The following EPG5 variants were observed in gnomAD, a reference collection of about 807,000 sequenced individuals.
EPG5 encodes the protein ectopic P granules protein 5 homolog.
A neutral mutation model predicts 302.7 loss-of-function variants in EPG5; 159 were observed. That is an observed-to-expected ratio of 0.53 (90% CI 0.46 to 0.60). The LOEUF is 0.60. EPG5 is among the 20% of genes least tolerant of loss of function. The pLI is 0.00. For missense variants in EPG5, 2,896 were observed against 3,092.4 expected, an observed-to-expected ratio of 0.94 and a Z score of 1.51; for synonymous variants, 1,158 against 1,136.8, an observed-to-expected ratio of 1.02 and a Z score of -0.37.
intron 43 of EPG5, among the ~76,000 whole-genome samples, chr18:45,854,696 C>CA (rs1178197921): frequency 1.3e-5 from 2 of 151,954 alleles, no homozygotes; most frequent in Non-Finnish European, 2.9e-5. Flanking sequence ...CCAGTCTCTA[C>CA]AAAAAAAATT....
At chr18:45,842,013 T>C in the EPG5 span, 2 of 1,145,024 alleles carry the variant, frequency 1.7e-6, no homozygotes, top group African/African-American at 1.5e-5. Flanking sequence ...CCCCAGAATG[T>C]CTCCTCTTCT....
At chr18:45,945,187 T>G in intron 7 of EPG5, among the ~76,000 whole-genome samples, 1 of 152,238 alleles carries the variant, frequency 6.6e-6, no homozygotes, top group East Asian at 1.9e-4. Flanking sequence ...ACTCTTATTA[T>G]GTATCTAAAA....
intron 36 of EPG5, 131 bp downstream of exon 36, chr18:45,870,436 C>T (rs1421842366): frequency 7.6e-6 from 5 of 661,020 alleles, no homozygotes; most frequent in South Asian, 4.7e-5. Context: ...CAGGCACCAC[C>T]GAGGCAACAC....
At chr18:45,888,002 C>A in intron 28 of EPG5, 95 bp from the exon 29 acceptor site, 1 of 973,220 alleles carries the variant, frequency 1.0e-6, no homozygotes. Flanking sequence ...AGGCAATATT[C>A]TTAAGAATCC....
At chr18:45,960,723 T>C (rs1014080719) in intron 1 of EPG5, among the ~76,000 whole-genome samples, 3 of 152,324 alleles carry the variant, frequency 2.0e-5, no homozygotes, top group African/African-American at 7.2e-5. Context: ...GATGGAATTC[T>C]GGGCATTTCA....
chr18:45,811,499 T>C, the EPG5 span, among the ~76,000 whole-genome samples: 1 of 152,106 alleles, frequency 6.6e-6, no homozygotes, highest in Admixed American at 6.5e-5. Flanking sequence ...CTGATGAACA[T>C]TGATGCAAAA....
the EPG5 span, among the ~76,000 whole-genome samples, chr18:45,804,196 T>C: frequency 6.6e-6 from 1 of 152,120 alleles, no homozygotes; most frequent in South Asian, 2.1e-4. Flanking sequence ...CATAATTTTT[T>C]AAAACAGATG....
the EPG5 span, among the ~76,000 whole-genome samples, chr18:45,826,024 T>C: frequency 2.6e-5 from 4 of 152,152 alleles, no homozygotes; most frequent in Non-Finnish European, 4.4e-5. Context: ...TGGCTGCCTA[T>C]ATAAAGGCTA....
chr18:45,865,812 T>C, intron 38 of EPG5, 53 bp from the exon 39 acceptor site: 1 of 1,564,152 alleles, frequency 6.4e-7, no homozygotes. Context: ...CAAGGAGTGT[T>C]AACTGCATAT....
the EPG5 span, among the ~76,000 whole-genome samples, chr18:45,800,992 T>C: frequency 3.9e-5 from 6 of 152,146 alleles, no homozygotes; most frequent in Non-Finnish European, 5.9e-5. Flanking sequence ...CTTTCTTAAA[T>C]TTTTTTGTTT....
the EPG5 span, chr18:45,825,391 T>C: frequency 2.4e-6 from 1 of 422,236 alleles, no homozygotes; most frequent in East Asian, 3.9e-5. Flanking sequence ...ATAAACAGCA[T>C]AAAGACAACA....
chr18:45,871,289 G>C (rs1231877972), intron 35 of EPG5, among the ~76,000 whole-genome samples: 2 of 152,234 alleles, frequency 1.3e-5, no homozygotes, highest in Non-Finnish European at 2.9e-5. Context: ...ACAAGTGTTA[G>C]AGAGGATCTG....
In EPG5 at chr18:45,954,500, C is replaced by T; in HGVS notation, c.902G>A (p.Arg301Lys). The part of the protein sequence containing the change: ...YELLLNYSRC[R>K]KQLLLAEAEL... ...AGCTTCAGCCAGCAGCAGTTGCTTC[C>T]TACATCGTGAGTAGTTCAAAAGCAA... is the stretch of plus-strand genomic sequence containing the variant. Residue 301 changes from arginine (R) to lysine (K), a missense_variant, in exon 2 of 44, where the codon AGG becomes AAG. Around this residue, in one of 5 missense-constraint regions of EPG5, gnomAD observed 1,390 missense variants for 1,430.0 expected, o/e 0.97. Transcript: ENST00000282041. 2 of 1,614,254 alleles carry T rather than the reference C, an allele frequency of 1.2e-6. No individual in the cohort carries two copies. The highest frequency in any genetic ancestry group is 8.5e-7 in the Non-Finnish European group (1 of 1,180,036).
chr18:45,910,587 A>G lies in EPG5; in HGVS notation c.4139T>C (p.Leu1380Pro). ...LRVPAEGSEGLPESHSGTPGY... is the reference protein window; with the variant it reads ...LRVPAEGSEGPPESHSGTPGY... ...AGGGGTGCCAGAGTGGCTCTCTGGC[A>G]GCCCTTCACTGCCCTCTGCTGGAAC... The change falls in exon 23 of 44, where the codon CTG becomes CCG. Residue 1380 changes from leucine (L) to proline (P), a missense_variant. Leu to Pro is a moderately conservative substitution (Grantham distance 98). Transcript: ENST00000282041. 1 of 1,614,054 alleles carries G rather than the reference A, an allele frequency of 6.2e-7. No homozygotes were observed. The highest frequency in any genetic ancestry group is 8.5e-7 in the Non-Finnish European group (1 of 1,180,006).
chr18:45,916,386 C>A (rs1233345823), intron 18 of EPG5, 52 bp downstream of exon 18: 3 of 1,590,256 alleles, frequency 1.9e-6, no homozygotes, highest in Middle Eastern at 3.8e-4. Context: ...CGCTAGAGGT[C>A]TTGGTTGGGA....
At chr18:45,881,668 C>T (rs967385358) in intron 31 of EPG5, among the ~76,000 whole-genome samples, 2 of 152,056 alleles carry the variant, frequency 1.3e-5, no homozygotes, top group African/African-American at 4.8e-5. Flanking sequence ...AAAAAGCCTA[C>T]CCTATTTATT....
intron 27 of EPG5, 66 bp downstream of exon 27, chr18:45,899,337 CA>C (rs2049551518): frequency 6.4e-7 from 1 of 1,573,172 alleles, no homozygotes; most frequent in Admixed American, 1.7e-5. Context: ...CAATCTTTCT[CA>C]TTGATAAGCC....
At position 45,852,228 on chromosome 18, in the gene EPG5, T is replaced by C. The variant is rs1047425211; in HGVS notation, c.*239A>G. On this transcript the variant is annotated 3_prime_UTR_variant, in exon 44 of 44. Coordinates refer to ENST00000282041, the MANE Select transcript of EPG5 (RefSeq NM_020964.3). ...AGTGGAACTTAGTAAGTTTCTCTTG[T>C]GGATAAATATAAAAACTTAAAGAGT... is the stretch of plus-strand genomic sequence containing the variant. The C allele has an allele frequency of 3.0e-5, 11 of 365,284 alleles. No homozygotes were observed. Among genetic ancestry groups the C allele is most frequent in the Non-Finnish European group, 4.9e-5 (10 of 205,238 alleles). 22.6% of individuals were successfully genotyped at this position (365,284 alleles called of 1,614,324 possible). A position where few individuals can be genotyped will look rare whatever the true frequency, so the allele number is the denominator to read the frequency against.
At chr18:45,874,071 C>T (rs951014894) in intron 35 of EPG5, among the ~76,000 whole-genome samples, 3 of 152,170 alleles carry the variant, frequency 2.0e-5, no homozygotes. Flanking sequence ...CTGTATGATA[C>T]CACAATGGTG....
Sources: gnomAD v4.1 joint callset for allele counts (sites outside exome capture counted in the v4.1 genomes callset) on GRCh38, gnomAD v4.1.1 for gene constraint, gnomAD v4.1.1 regional missense constraint, MANE v1.5 for transcripts, NCBI Gene and HGNC (gene_info 2026-07-23, HGNC 2026-07-21) for gene names.